SORCS3: variants seen among roughly 807,000 people sequenced by gnomAD.
The protein encoded by SORCS3 is VPS10 domain-containing receptor SorCS3.
In SORCS3, 57 loss-of-function variants were observed where a neutral mutation model predicts 146.3. The observed-to-expected ratio is 0.39, with a 90% confidence interval of 0.31 to 0.49. The LOEUF is 0.49. SORCS3 is among the 20% of genes least tolerant of loss of function. SORCS3 has a pLI of 0.92. For synonymous variants in SORCS3, 653 were observed against 618.5 expected (o/e 1.06, Z -0.83); for missense variants, 1,341 against 1,575.5 (o/e 0.85, Z 2.52).
chr10:105,041,752 G>A (rs1240944365), intron 4 of SORCS3, among the ~76,000 whole-genome samples: 1 of 152,120 alleles, frequency 6.6e-6, no homozygotes, highest in African/African-American at 2.4e-5. Context: ...CAACTGTGGT[G>A]TGCTGGGAAG....
At chr10:105,015,273 G>T (rs1254378951) in intron 4 of SORCS3, among the ~76,000 whole-genome samples, 1 of 152,114 alleles carries the variant, frequency 6.6e-6, no homozygotes, top group Non-Finnish European at 1.5e-5. Context: ...CCTACTCCTG[G>T]ATATAAACCC....
At chr10:104,776,546 AC>A (rs1247476904) in intron 1 of SORCS3, among the ~76,000 whole-genome samples, 1 of 152,322 alleles carries the variant, frequency 6.6e-6, no homozygotes, top group East Asian at 1.9e-4. Context: ...CTAGTGAAAT[AC>A]CATTAATTTC....
At chr10:105,112,723 C>T (rs1389157796) in intron 7 of SORCS3, among the ~76,000 whole-genome samples, 1 of 152,128 alleles carries the variant, frequency 6.6e-6, no homozygotes, top group African/African-American at 2.4e-5. Context: ...TTGTGCATTC[C>T]ACTGACAGAT....
intron 8 of SORCS3, among the ~76,000 whole-genome samples, chr10:105,140,048 C>T (rs1333751625): frequency 6.6e-6 from 1 of 152,172 alleles, no homozygotes; most frequent in African/African-American, 2.4e-5. Context: ...ACTTTGGGGA[C>T]CCCATTCCTT....
rs763681092 is a variant in SORCS3, at chr10:105,158,945, A to G, written c.1683A>G (p.Ser561=). The G allele has an allele frequency of 1.2e-6, 2 of 1,613,292 alleles. No homozygotes were observed. The highest frequency in any genetic ancestry group is 1.7e-4 in the Middle Eastern group (1 of 6,018). Residue 561 remains serine (S), a synonymous_variant, in exon 11 of 27, where the codon TCA becomes TCG. Transcript: ENST00000369701. ...AACTCTCTGAAAATCCATATTCCTC[A>G]GGAAGAATCTCTAGCAAGGAGACAG... ...HLQLSENPYS[S]GRISSKETAP...
chr10:105,144,357 G>T (rs2056116196), intron 8 of SORCS3, among the ~76,000 whole-genome samples: 1 of 152,270 alleles, frequency 6.6e-6, no homozygotes, highest in Admixed American at 6.5e-5. Context: ...ACAACTTCTT[G>T]AGGGCAGGTT....
intron 1 of SORCS3, among the ~76,000 whole-genome samples, chr10:104,742,134 G>C (rs1246344500): frequency 6.6e-6 from 1 of 151,990 alleles, no homozygotes; most frequent in Non-Finnish European, 1.5e-5. Flanking sequence ...GTGCTACCTT[G>C]TTACTGCCAG....
chr10:105,007,642 G>A (rs2055104970), intron 4 of SORCS3, among the ~76,000 whole-genome samples: 1 of 151,912 alleles, frequency 6.6e-6, no homozygotes. Flanking sequence ...CGTTTTTTCT[G>A]AACCCCCTCC....
At chr10:105,236,998 T>A (rs1361418873) in intron 20 of SORCS3, among the ~76,000 whole-genome samples, 1 of 152,198 alleles carries the variant, frequency 6.6e-6, no homozygotes, top group Non-Finnish European at 1.5e-5. Context: ...AAGGCATTTT[T>A]AAATTACATA....
At chr10:104,807,377 A>C (rs1256692471) in intron 1 of SORCS3, among the ~76,000 whole-genome samples, 1 of 152,196 alleles carries the variant, frequency 6.6e-6, no homozygotes, top group Non-Finnish European at 1.5e-5. Context: ...ATGAAGTGGA[A>C]ATTTTTATGT....
intron 16 of SORCS3, among the ~76,000 whole-genome samples, chr10:105,205,282 C>G (rs1428794657): frequency 6.6e-6 from 1 of 152,184 alleles, no homozygotes; most frequent in Non-Finnish European, 1.5e-5. Context: ...TTTTCTGTCT[C>G]TGTCCCTCTT....
At chr10:105,230,020 C>G (rs1301090566) in intron 20 of SORCS3, among the ~76,000 whole-genome samples, 1 of 152,142 alleles carries the variant, frequency 6.6e-6, no homozygotes, top group Non-Finnish European at 1.5e-5. Context: ...TTCATATCTA[C>G]AATTAGTGAA....
At chr10:105,049,811 A>G in intron 5 of SORCS3, among the ~76,000 whole-genome samples, 1 of 152,064 alleles carries the variant, frequency 6.6e-6, no homozygotes. Context: ...GGAGACTACC[A>G]GAAGGGTGCG....
At chr10:104,658,691 C>T (rs1006422641) in intron 1 of SORCS3, among the ~76,000 whole-genome samples, 1 of 152,086 alleles carries the variant, frequency 6.6e-6, no homozygotes, top group Non-Finnish European at 1.5e-5. Flanking sequence ...ACAGTGATTA[C>T]TTAGTGTCTA....
chr10:105,028,336 G>A (rs2055243938), intron 4 of SORCS3, among the ~76,000 whole-genome samples: 1 of 152,188 alleles, frequency 6.6e-6, no homozygotes, highest in South Asian at 2.1e-4. Flanking sequence ...ATGAAATGTA[G>A]TCAAGAATGT....
chr10:104,872,202 G>A (rs573513201), intron 2 of SORCS3, among the ~76,000 whole-genome samples: 1 of 152,240 alleles, frequency 6.6e-6, no homozygotes, highest in Non-Finnish European at 1.5e-5. Context: ...TCATAATTGG[G>A]AAAGTACTTC....
chr10:105,049,289 G>A (rs1291754109), intron 5 of SORCS3, among the ~76,000 whole-genome samples: 2 of 152,034 alleles, frequency 1.3e-5, no homozygotes, highest in Non-Finnish European at 2.9e-5. Flanking sequence ...TGACCATCAT[G>A]GGAGTTACTT....
Position 105,157,221 on chromosome 10 carries a change from G to A in SORCS3, c.1566G>A (p.Arg522=). 6.2e-7 allele frequency: 1 copy of A among 1,614,038 alleles called. No individual in the cohort carries two copies. The highest frequency in any genetic ancestry group is 1.3e-5 in the African/African-American group (1 of 75,036). ...CATACATCACTTACAACAAAGGCAG[G>A]GATTGGCGCCTGCTGCAAGCTCCGG... ...VKTYITYNKG[R]DWRLLQAPDV... Residue 522 remains arginine, a synonymous_variant, in exon 10 of 27, where the codon AGG becomes AGA. Coordinates refer to ENST00000369701, the MANE Select transcript of SORCS3 (RefSeq NM_014978.3).
intron 4 of SORCS3, among the ~76,000 whole-genome samples, chr10:105,038,565 G>A (rs1458848586): frequency 2.0e-5 from 3 of 152,120 alleles, no homozygotes; most frequent in Non-Finnish European, 1.5e-5. Context: ...AGAATAAAAT[G>A]TGGGCTTAAG....
Sources: gnomAD v4.1 joint callset for allele counts (sites outside exome capture counted in the v4.1 genomes callset) on GRCh38, gnomAD v4.1.1 for gene constraint, MANE v1.5 for transcripts, NCBI Gene and HGNC (gene_info 2026-07-23, HGNC 2026-07-21) for gene names.